Variants in SPON1 observed in about 807,000 individuals in gnomAD.
The protein encoded by SPON1 is spondin-1.
A neutral mutation model predicts 111.7 loss-of-function variants in SPON1; 52 were observed. That is an observed-to-expected ratio of 0.47 (90% CI 0.37 to 0.59). SPON1 has a LOEUF of 0.59. Ranked by LOEUF, SPON1 falls within the 20% of genes least tolerant of loss-of-function variation. The pLI is 0.00. For missense variants in SPON1, 957 were observed against 1,068.5 expected (o/e 0.90, Z 1.46); for synonymous variants, 410 against 395.8 (o/e 1.04, Z -0.43).
chr11:13,972,658 C>T (rs1848071854), intron 1 of SPON1, among the ~76,000 whole-genome samples: 1 of 152,138 alleles, frequency 6.6e-6, no homozygotes, highest in African/African-American at 2.4e-5. Context: ...TGCTGTCATC[C>T]CAATGACATT....
rs201133046 is a variant in SPON1, at chr11:14,127,546, A to C, written c.677-7874A>C. Among the ~76,000 whole-genome samples, 5 of 152,150 alleles carry C rather than the reference A, an allele frequency of 3.3e-5. No individual in the cohort carries two copies. In the East Asian group the frequency reaches 9.6e-4, roughly 29 times the overall value. On this transcript the variant is annotated intron_variant, in intron 5 of 15. Transcript: ENST00000576479. The stretch of plus-strand genomic sequence containing the variant: ...TCCTACCAAAGGTATGGTACCATGC[A>C]GCAGAGAAGAGCTGGTCTTTGGCTC...
At chr11:14,204,950 G>A (rs903582117) in intron 6 of SPON1, among the ~76,000 whole-genome samples, 2 of 152,012 alleles carry the variant, frequency 1.3e-5, no homozygotes, top group African/African-American at 2.4e-5. Flanking sequence ...GCCTCCCAAA[G>A]TGCTGGGATT....
chr11:14,098,195 A>T (rs897153621), intron 5 of SPON1, among the ~76,000 whole-genome samples: 1 of 152,114 alleles, frequency 6.6e-6, no homozygotes, highest in Non-Finnish European at 1.5e-5. Flanking sequence ...ACGGGGTTTC[A>T]CCGTGTTAGC....
chr11:14,197,540 A>T (rs368174258), intron 6 of SPON1, among the ~76,000 whole-genome samples: 1 of 151,076 alleles, frequency 6.6e-6, no homozygotes, highest in Non-Finnish European at 1.5e-5. Flanking sequence ...GGGGCTGCGC[A>T]TGGTGGCTCA....
At chr11:14,199,667 C>T (rs1554935418) in intron 6 of SPON1, among the ~76,000 whole-genome samples, 2 of 152,192 alleles carry the variant, frequency 1.3e-5, no homozygotes, top group African/African-American at 4.8e-5. Context: ...TCTGTGCTTC[C>T]CCGTTACTCT....
chr11:14,154,490 A>G (rs557579114), intron 6 of SPON1, among the ~76,000 whole-genome samples: 1 of 152,342 alleles, frequency 6.6e-6, no homozygotes, highest in East Asian at 1.9e-4. Flanking sequence ...GCTAGGATGC[A>G]GGGCATCATG....
At chr11:14,052,241 T>C (rs1564894214) in intron 3 of SPON1, among the ~76,000 whole-genome samples, 1 of 152,258 alleles carries the variant, frequency 6.6e-6, no homozygotes, top group Non-Finnish European at 1.5e-5. Context: ...GAAGAGAGGA[T>C]GAGTATTAAG....
intron 6 of SPON1, among the ~76,000 whole-genome samples, chr11:14,170,650 A>G (rs1848087473): frequency 6.6e-6 from 1 of 151,786 alleles, no homozygotes; most frequent in Non-Finnish European, 1.5e-5. Context: ...GATAGCGCTT[A>G]TTATTGTGAG....
rs782306609 is a variant in SPON1 at position 14,057,831 on chromosome 11, C to CAAAAAAAAAAAAAAAAA, written c.479+16189_479+16190insAAAAAAAAAAAAAAAAA. Among the ~76,000 whole-genome samples the CAAAAAAAAAAAAAAAAA allele has an allele frequency of 1.1e-3, 107 of 100,494 alleles. 3 individuals are homozygous for CAAAAAAAAAAAAAAAAA. Among genetic ancestry groups the CAAAAAAAAAAAAAAAAA allele is most frequent in the East Asian group, 3.0e-3 (10 of 3,328 alleles). 65.9% of individuals were successfully genotyped at this position (100,494 alleles called of 152,430 possible). On this transcript the variant is annotated intron_variant, in intron 3 of 15. Transcript: ENST00000576479. ...AAAACGTAGTGAGACCTTGTCTCTA[C>CAAAAAAAAAAAAAAAAA]AAAAAAAAAAAACAAAACAAAAACT...
chr11:14,253,099 A>T (rs1849069261), intron 7 of SPON1, among the ~76,000 whole-genome samples: 1 of 152,140 alleles, frequency 6.6e-6, no homozygotes, highest in South Asian at 2.1e-4. Context: ...GGGATAAGGG[A>T]GGGGGTGCAT....
rs574045663 is a variant in SPON1 at position 14,211,943 on chromosome 11, A to G, written c.826-31389A>G. On this transcript the variant is annotated intron_variant, in intron 6 of 15. Coordinates refer to ENST00000576479, the MANE Select transcript of SPON1 (RefSeq NM_006108.4). ...TATTATTTTCAGGGGCCAATTTTTG[A>G]AAAAAAAAGCTTTTAATCTTAATCC... is the stretch of plus-strand genomic sequence containing the variant. Among the ~76,000 whole-genome samples, 6 of 150,806 alleles carry G rather than the reference A, an allele frequency of 4.0e-5. No homozygotes were observed. In the South Asian group the frequency reaches 1.3e-3, roughly 32 times the overall value.
At chr11:13,985,487 A>G (rs1341913161) in intron 2 of SPON1, among the ~76,000 whole-genome samples, 1 of 152,182 alleles carries the variant, frequency 6.6e-6, no homozygotes, top group East Asian at 1.9e-4. Context: ...CTTTCCTAAG[A>G]TGCCCAGCTC....
intron 1 of SPON1, among the ~76,000 whole-genome samples, chr11:13,982,303 TA>T (rs1848150745): frequency 6.6e-6 from 1 of 152,162 alleles, no homozygotes; most frequent in Non-Finnish European, 1.5e-5. Context: ...GGGGCTACTG[TA>T]TATCATGTCT....
chr11:14,110,712 A>C (rs1849220967), intron 5 of SPON1, among the ~76,000 whole-genome samples: 1 of 152,212 alleles, frequency 6.6e-6, no homozygotes, highest in Non-Finnish European at 1.5e-5. Flanking sequence ...TAATGTCCAA[A>C]GGCAGGAGGA....
chr11:14,171,885 A>G (rs554454196), intron 6 of SPON1, among the ~76,000 whole-genome samples: 23 of 152,206 alleles, frequency 1.5e-4, no homozygotes, highest in African/African-American at 5.5e-4. Flanking sequence ...GTTCTTTTAC[A>G]TTTGCTGAGG....
intron 6 of SPON1, among the ~76,000 whole-genome samples, chr11:14,197,648 CAAAAAAAAAA>C (rs11343423): frequency 3.3e-5 from 4 of 119,914 alleles, no homozygotes; most frequent in Non-Finnish European, 5.2e-5. Context: ...ACTAAATATA[CAAAAAAAAAA>C]AAAAAAAATT....
intron 6 of SPON1, among the ~76,000 whole-genome samples, chr11:14,175,274 T>C (rs1222373201): frequency 6.6e-6 from 1 of 152,174 alleles, no homozygotes; most frequent in African/African-American, 2.4e-5. Context: ...TAGGACTAAC[T>C]ATGACAAGAA....
At chr11:14,254,057 G>C (rs1424877647) in intron 7 of SPON1, among the ~76,000 whole-genome samples, 1 of 152,218 alleles carries the variant, frequency 6.6e-6, no homozygotes, top group Non-Finnish European at 1.5e-5. Flanking sequence ...CTCTACAGCT[G>C]GTCCCTGCTT....
intron 2 of SPON1, among the ~76,000 whole-genome samples, chr11:14,038,548 AAC>A (rs1240728835): frequency 2.0e-5 from 3 of 152,232 alleles, no homozygotes; most frequent in Non-Finnish European, 4.4e-5. Context: ...AAAAGACCCA[AAC>A]AGAAACCTCA....
Sources: allele counts gnomAD v4.1 joint callset (sites outside exome capture counted in the v4.1 genomes callset), GRCh38; gene constraint gnomAD v4.1.1; transcripts MANE v1.5; gene names NCBI Gene and HGNC (gene_info 2026-07-23, HGNC 2026-07-21).